The following PCCA variants were observed in gnomAD, a reference collection of about 807,000 sequenced individuals.
PCCA encodes propionyl-CoA carboxylase subunit alpha.
Under a neutral mutation model 101.3 loss-of-function variants are expected in PCCA, and 74 were observed. The ratio of observed to expected loss-of-function variants is 0.73; its 90% confidence interval spans 0.61 to 0.89. PCCA has a LOEUF of 0.89. Among genes scored for constraint, PCCA ranks in the 40% least tolerant of loss-of-function variants. The pLI is 0.00. For synonymous variants in PCCA, 294 were observed against 313.6 expected, an observed-to-expected ratio of 0.94 and a Z score of 0.66; for missense variants, 891 against 907.0, an observed-to-expected ratio of 0.98 and a Z score of 0.23.
intron 7 of PCCA, among the ~76,000 whole-genome samples, chr13:100,229,314 A>C (rs188438677): frequency 4.1e-4 from 62 of 152,368 alleles, no homozygotes; most frequent in African/African-American, 1.4e-3. Context: ...TAAAAAGTAA[A>C]GTAGAGGTTC....
At chr13:100,355,452 T>G (rs2073869234) in intron 18 of PCCA, among the ~76,000 whole-genome samples, 3 of 152,120 alleles carry the variant, frequency 2.0e-5, no homozygotes, top group Admixed American at 1.3e-4. Flanking sequence ...CTGTTAGAAC[T>G]AATGAGTCCT....
intron 17 of PCCA, among the ~76,000 whole-genome samples, chr13:100,333,060 C>G (rs2069884257): frequency 6.6e-6 from 1 of 152,186 alleles, no homozygotes; most frequent in Non-Finnish European, 1.5e-5. Flanking sequence ...TATATTGCCT[C>G]TAAATACTTT....
intron 2 of PCCA, among the ~76,000 whole-genome samples, chr13:100,108,625 A>G (rs952517154): frequency 1.3e-5 from 2 of 152,150 alleles, no homozygotes; most frequent in African/African-American, 4.8e-5. Context: ...AGCATCCTGC[A>G]CAAAGCCTTA....
At chr13:100,457,709 A>T (rs570057993) in intron 21 of PCCA, among the ~76,000 whole-genome samples, 70 of 152,326 alleles carry the variant, frequency 4.6e-4, no homozygotes, top group Non-Finnish European at 8.1e-4. Flanking sequence ...TTGAAAAGGT[A>T]GTTCAGAGCA....
chr13:100,185,769 G>A (rs1237913071), intron 6 of PCCA, among the ~76,000 whole-genome samples: 2 of 151,546 alleles, frequency 1.3e-5, no homozygotes, highest in East Asian at 1.9e-4. Flanking sequence ...TGCCTCAGCC[G>A]CTCAAGTAGC....
At chr13:100,136,554 A>G (rs2051197049) in intron 4 of PCCA, among the ~76,000 whole-genome samples, 2 of 152,296 alleles carry the variant, frequency 1.3e-5, no homozygotes, top group South Asian at 4.1e-4. Context: ...AAGGTTTTAA[A>G]TGACGTATTC....
At chr13:100,326,320 A>G (rs1042286384) in intron 16 of PCCA, among the ~76,000 whole-genome samples, 9 of 152,198 alleles carry the variant, frequency 5.9e-5, no homozygotes, top group Non-Finnish European at 1.0e-4. Context: ...CTTGATGTAG[A>G]TAAATGCTTC....
At chr13:100,098,356 G>A (rs1040112916) in intron 1 of PCCA, among the ~76,000 whole-genome samples, 1 of 152,158 alleles carries the variant, frequency 6.6e-6, no homozygotes, top group African/African-American at 2.4e-5. Context: ...AATCCAGTGT[G>A]TAGTTTACTC....
rs145380007 is a variant in PCCA, at chr13:100,359,331, C to G, written c.1644-9141C>G. Among the ~76,000 whole-genome samples the G allele has an allele frequency of 8.3e-3, 1,265 of 152,074 alleles. 13 individuals carry two copies. Among genetic ancestry groups the G allele is most frequent in the Middle Eastern group, 0.014 (4 of 294 alleles). On this transcript the variant is annotated intron_variant, in intron 18 of 23. Transcript: ENST00000376285. Reference sequence around the variant, plus strand: ...GTTTATACAGTATTATCCTGGAGATCCTAGCCAGTGCAGTTGGAAAGAAAA... The same window carrying G: ...GTTTATACAGTATTATCCTGGAGATGCTAGCCAGTGCAGTTGGAAAGAAAA...
In PCCA at chr13:100,157,454, T is replaced by A. The variant is rs968479318; in HGVS notation, c.468+114T>A. 4.1e-6 allele frequency: 3 copies of A among 733,376 alleles called. No individual in the cohort carries two copies. The African/African-American group carries it at 5.2e-5, about 13-fold the overall frequency. 45.4% of individuals were successfully genotyped at this position (733,376 alleles called of 1,614,324 possible). A position where few individuals can be genotyped will look rare whatever the true frequency, so the allele number is the denominator to read the frequency against. On this transcript the variant is annotated intron_variant, in intron 6 of 23. Transcript: ENST00000376285. ...TATAGAATTTTAATTAACCCAGCAGTTCTTTGAAAATTGTGACAAGTGAAG... is the reference window on the plus strand; with the variant it reads ...TATAGAATTTTAATTAACCCAGCAGATCTTTGAAAATTGTGACAAGTGAAG...
intron 2 of PCCA, among the ~76,000 whole-genome samples, chr13:100,110,564 A>G (rs545537881): frequency 2.6e-5 from 4 of 152,334 alleles, no homozygotes; most frequent in African/African-American, 9.6e-5. Context: ...TTTGGTGGTT[A>G]TTCAAACTTA....
intron 12 of PCCA, among the ~76,000 whole-genome samples, chr13:100,290,350 C>T (rs1229309757): frequency 2.0e-5 from 3 of 151,818 alleles, no homozygotes; most frequent in African/African-American, 7.3e-5. Context: ...TAGCTGGGAC[C>T]ATAGGTGCAT....
At chr13:100,400,626 A>ATTTTTTTTTTTTT (rs370081214) in intron 19 of PCCA, among the ~76,000 whole-genome samples, 1 of 47,018 alleles carries the variant, frequency 2.1e-5, no homozygotes, top group Non-Finnish European at 3.5e-5. Flanking sequence ...AGTTCTTTTT[A>ATTTTTTTTTTTTT]GTTCTTTTTT....
chr13:100,499,955 G>A (rs1455819745), intron 21 of PCCA, among the ~76,000 whole-genome samples: 2 of 152,126 alleles, frequency 1.3e-5, no homozygotes, highest in African/African-American at 4.8e-5. Context: ...GTCGTTTGGG[G>A]AAAAGGAATA....
chr13:100,203,147 G>A (rs375264293), intron 6 of PCCA, among the ~76,000 whole-genome samples: 10 of 151,834 alleles, frequency 6.6e-5, no homozygotes, highest in South Asian at 2.1e-4. Flanking sequence ...GGTGGTGCGC[G>A]TCTGTAGTCC....
chr13:100,117,344 C>T (rs937748031), intron 4 of PCCA, among the ~76,000 whole-genome samples: 3 of 151,638 alleles, frequency 2.0e-5, no homozygotes, highest in Non-Finnish European at 2.9e-5. Context: ...ATAACGGTAT[C>T]TGTATACCCT....
chr13:100,182,233 A>G (rs749985465), intron 6 of PCCA, among the ~76,000 whole-genome samples: 12 of 150,984 alleles, frequency 7.9e-5, no homozygotes, highest in Non-Finnish European at 1.6e-4. Flanking sequence ...AGTAGCTGGA[A>G]TTACAGGTGT....
rs1157019179 is a variant in PCCA at position 100,425,604 on chromosome 13, G to A, written c.1747-29G>A. On this transcript the variant is annotated intron_variant, in intron 19 of 23. Coordinates refer to ENST00000376285, the MANE Select transcript of PCCA (RefSeq NM_000282.4). ...AGATCAGTTTTCTGTCTTTCTTCAT[G>A]GTAATGGTCTTATTTGGTGTCACAA... The A allele has an allele frequency of 4.7e-5, 68 of 1,461,620 alleles. No individual in the cohort carries two copies. In the Admixed American group the frequency reaches 1.1e-3, roughly 24 times the overall value. The allele number at this position is 1,461,620 out of a possible 1,614,324, so 90.5% of individuals were successfully genotyped here. A position where few individuals can be genotyped will look rare whatever the true frequency, so the allele number is the denominator to read the frequency against.
intron 18 of PCCA, among the ~76,000 whole-genome samples, chr13:100,365,290 A>T (rs2075054591): frequency 1.3e-5 from 2 of 152,240 alleles, no homozygotes; most frequent in South Asian, 4.1e-4. Flanking sequence ...GGGACAAATT[A>T]TAATATATAT....
Sources: gnomAD v4.1 joint callset for allele counts (sites outside exome capture counted in the v4.1 genomes callset) on GRCh38, gnomAD v4.1.1 for gene constraint, MANE v1.5 for transcripts, NCBI Gene and HGNC (gene_info 2026-07-23, HGNC 2026-07-21) for gene names.